Variants in SLC25A25 observed in about 807,000 individuals in gnomAD.
The protein encoded by SLC25A25 is solute carrier family 25 member 25.
In SLC25A25, 32 loss-of-function variants were observed where a neutral mutation model predicts 57.7. The ratio of observed to expected loss-of-function variants is 0.55; its 90% CI spans 0.42 to 0.74. The LOEUF is 0.74. Among genes scored for constraint, SLC25A25 ranks in the 30% least tolerant of loss-of-function variants. The probability of loss-of-function intolerance (pLI) is 0.00; values close to 1 mark genes in which losing one functional copy is unlikely to be tolerated. For missense variants in SLC25A25, 556 were observed against 701.3 expected (o/e 0.79, Z 2.34); for synonymous variants, 306 against 291.2 (o/e 1.05, Z -0.52).
chr9:128,105,234 G>A (rs1331371912), intron 6 of SLC25A25, among the ~76,000 whole-genome samples: 4 of 134,744 alleles, frequency 3.0e-5, no homozygotes, highest in South Asian at 2.4e-4. Context: ...ACAGGGGCGC[G>A]ATCTTGGCTC....
rs2130819927 is a variant in SLC25A25, at chr9:128,102,368, A to T, written c.513-2A>T. 1 of 1,612,768 alleles carries T rather than the reference A, an allele frequency of 6.2e-7. No homozygotes were observed. The highest frequency in any genetic ancestry group is 8.5e-7 in the Non-Finnish European group (1 of 1,178,856). On this transcript the variant is annotated splice_acceptor_variant, in intron 4 of 10. Transcript: ENST00000373069. LOFTEE classifies it high-confidence loss of function. The surrounding 1 kb of genome is among the most constrained non-coding windows in gnomAD (Gnocchi z 4.1). ...GTGGGCAGCCTCGCCTCTGTCTTGC[A>T]GCATGGATAAAAACGGCACGATGAC...
intron 1 of SLC25A25, among the ~76,000 whole-genome samples, chr9:128,075,532 TAAA>T (rs991163364): frequency 4.0e-5 from 6 of 151,160 alleles, no homozygotes; most frequent in Non-Finnish European, 8.9e-5. Context: ...TTTTATAAAA[TAAA>T]AAAAAGAAAA....
chr9:128,083,569 G>A (rs868403458), intron 1 of SLC25A25, among the ~76,000 whole-genome samples: 1 of 137,284 alleles, frequency 7.3e-6, no homozygotes, highest in Non-Finnish European at 1.5e-5. Context: ...GAGTGCAGTG[G>A]CGCGATCTCC....
chr9:128,076,281 C>T (rs192100170), intron 1 of SLC25A25, among the ~76,000 whole-genome samples: 1 of 152,194 alleles, frequency 6.6e-6, no homozygotes, highest in Admixed American at 6.5e-5. Context: ...CAGGTGTGCA[C>T]CACCATGCCC....
At position 128,107,154 on chromosome 9, in the gene SLC25A25, A is replaced by G. The variant is rs1588798169; in HGVS notation, c.1338A>G (p.Leu446=). 1.9e-6 allele frequency: 3 copies of G among 1,613,900 alleles called. No individual in the cohort carries two copies. Among genetic ancestry groups the G allele is most frequent in the South Asian group, 1.1e-5 (1 of 91,084 alleles). The change falls in exon 10 of 11, where the codon CTA becomes CTG. Residue 446 remains leucine (L), a synonymous_variant. Coordinates refer to ENST00000373069, the MANE Select transcript of SLC25A25 (RefSeq NM_001330988.2). ...AGCTGGCCAGCTACCCCCTGGCCCT[A>G]GTCAGGACCCGGATGCAGGCGCAAG... ...CGQLASYPLA[L]VRTRMQAQAS...
At chr9:128,079,574 C>CA (rs1833095833) in intron 1 of SLC25A25, among the ~76,000 whole-genome samples, 1 of 131,650 alleles carries the variant, frequency 7.6e-6, no homozygotes, top group Admixed American at 8.5e-5. Context: ...GCCTGGCCAA[C>CA]TGGCAAAACC....
In SLC25A25 at chr9:128,091,889, C is replaced by T. The variant is rs780203863; in HGVS notation, c.262-9207C>T. ...GACCGTGATGTTGCAGATGCTGTGG[C>T]ATTTCCTAGCTAGCTTTTTCCCCAG... On this transcript the variant is annotated intron_variant, in intron 1 of 10. Transcript: ENST00000373069. 10 of 1,610,990 alleles carry T rather than the reference C, an allele frequency of 6.2e-6. No individual in the cohort carries two copies. The South Asian group carries it at 8.8e-5, about 14-fold the overall frequency.
intron 1 of SLC25A25, among the ~76,000 whole-genome samples, chr9:128,071,612 A>G (rs1832909998): frequency 6.9e-6 from 1 of 144,782 alleles, no homozygotes; most frequent in Non-Finnish European, 1.5e-5. Flanking sequence ...GGGTTTCACC[A>G]TGTTGGCCAG....
Position 128,107,530 on chromosome 9 carries a change from A to G in SLC25A25, c.*86A>G. ...GCCATCTCATTCTGTGAATGTGCCA[A>G]CACTAAGCTGTCTCGAGCCAAGCTG... On this transcript the variant is annotated 3_prime_UTR_variant, in exon 11 of 11. Transcript: ENST00000373069. 7.0e-7 allele frequency: 1 copy of G among 1,437,894 alleles called. No homozygotes were observed. The highest frequency in any genetic ancestry group is 9.3e-7 in the Non-Finnish European group (1 of 1,081,072). 89.1% of individuals were successfully genotyped at this position (1,437,894 alleles called of 1,614,324 possible).
Position 128,103,922 on chromosome 9 carries a change from G to A in SLC25A25, c.783+83G>A. On this transcript the variant is annotated intron_variant, in intron 6 of 10. Coordinates refer to ENST00000373069, the MANE Select transcript of SLC25A25 (RefSeq NM_001330988.2). This position sits in a 1 kb window ranked among gnomAD's most constrained non-coding sequence, Gnocchi z 6.7. ...GCTTGGCTAGTTTTCCCTTTCTCTG[G>A]CTGGTGCCTGCTTTGGGCCCAAACT... The A allele has an allele frequency of 1.4e-6, 2 of 1,402,480 alleles. No homozygotes were observed. The highest frequency in any genetic ancestry group is 1.9e-6 in the Non-Finnish European group (2 of 1,062,664). 86.9% of individuals were successfully genotyped at this position (1,402,480 alleles called of 1,614,324 possible). A position where few individuals can be genotyped will look rare whatever the true frequency, so the allele number is the denominator to read the frequency against.
chr9:128,085,944 G>T lies in SLC25A25; in HGVS notation c.262-15152G>T, dbSNP rs1031871567. 2.0e-5 allele frequency among the ~76,000 whole-genome samples: 3 copies of T among 151,592 alleles called. No individual in the cohort carries two copies. The South Asian group carries it at 6.2e-4, about 32-fold the overall frequency. On this transcript the variant is annotated intron_variant, in intron 1 of 10. Coordinates refer to ENST00000373069, the MANE Select transcript of SLC25A25 (RefSeq NM_001330988.2). ...TGGTCTTGAACTCCTGGCCTCAAGC[G>T]ATCCTCCCACCTCAGCCTCCCTAGT... is the stretch of plus-strand genomic sequence containing the variant.
Position 128,100,726 on chromosome 9 carries a change from C to G in SLC25A25, c.262-370C>G, listed in dbSNP as rs142668701. On this transcript the variant is annotated intron_variant, in intron 1 of 10. Coordinates refer to ENST00000373069, the MANE Select transcript of SLC25A25 (RefSeq NM_001330988.2). Reference sequence around the variant, plus strand: ...TGGGTCCAGGGACCCAGGGACGGCGCTGCAGCGAAGCCACCCTGCTCACCC... The same window carrying G: ...TGGGTCCAGGGACCCAGGGACGGCGGTGCAGCGAAGCCACCCTGCTCACCC... 1,623 of 225,968 alleles carry G rather than the reference C, an allele frequency of 7.2e-3. 30 individuals carry two copies. Among genetic ancestry groups the G allele is most frequent in the African/African-American group, 0.036 (1,546 of 43,272 alleles). 14.0% of individuals were successfully genotyped at this position (225,968 alleles called of 1,614,324 possible). A position where few individuals can be genotyped will look rare whatever the true frequency, so the allele number is the denominator to read the frequency against.
chr9:128,096,286 A>T lies in SLC25A25; in HGVS notation c.262-4810A>T, dbSNP rs374099214. 4.6e-5 allele frequency among the ~76,000 whole-genome samples: 7 copies of T among 152,342 alleles called. No homozygotes were observed. The South Asian group carries it at 1.4e-3, about 32-fold the overall frequency. ...CACTTTGGGAGGCCAAGGCAGGCAG[A>T]TCACTTGAGGCCAGGAGTTGGAGAC... On this transcript the variant is annotated intron_variant, in intron 1 of 10. Transcript: ENST00000373069.
chr9:128,107,079 C>T lies in SLC25A25; in HGVS notation c.1263C>T (p.Pro421=), dbSNP rs754630387. The part of the protein sequence containing the change: ...LQHYAVNSAD[P]GVFVLLACGT... ...ACTATGCAGTGAACAGCGCGGACCC[C>T]GGCGTGTTTGTGCTCCTGGCCTGTG... is the stretch of plus-strand genomic sequence containing the variant. The change falls in exon 10 of 11, where the codon CCC becomes CCT. Residue 421 remains proline, a synonymous_variant. Coordinates refer to ENST00000373069, the MANE Select transcript of SLC25A25 (RefSeq NM_001330988.2). The T allele has an allele frequency of 1.2e-5, 20 of 1,614,010 alleles. No individual in the cohort carries two copies. In the South Asian group the frequency reaches 1.4e-4, roughly 12 times the overall value.
At chr9:128,098,870 G>A (rs938927149) in intron 1 of SLC25A25, 1 of 1,486,474 alleles carries the variant, frequency 6.7e-7, no homozygotes, top group South Asian at 1.3e-5. Context: ...TGCGGCTATG[G>A]CCGGCACGTG....
At position 128,106,187 on chromosome 9, in the gene SLC25A25, G is replaced by T; in HGVS notation, c.974G>T (p.Arg325Met). Residue 325 changes from arginine (R) to methionine (M), a missense_variant, in exon 8 of 11, where the codon AGG becomes ATG. By Grantham distance (91) the Arg-to-Met change is moderately conservative. Transcript: ENST00000373069. ...RLVGSDQETL[R>M]IHERLVAGSL... is the part of the protein sequence containing the mutation. ...GTTGGTAGTGACCAGGAGACTCTGAGGATTCACGAGAGGCTTGTGGCAGGG... is the reference window on the plus strand; with the variant it reads ...GTTGGTAGTGACCAGGAGACTCTGATGATTCACGAGAGGCTTGTGGCAGGG... 1 of 1,614,244 alleles carries T rather than the reference G, an allele frequency of 6.2e-7. No homozygotes were observed.
chr9:128,102,325 G>A lies in SLC25A25; in HGVS notation c.513-45G>A, dbSNP rs78716764. The A allele has an allele frequency of 8.8e-4, 1,369 of 1,552,844 alleles. 8 individuals are homozygous for A. In the African/African-American group the frequency reaches 0.013, roughly 15 times the overall value. The stretch of plus-strand genomic sequence containing the variant: ...TGGGAGGTGGGGGGATGCAGCTGGC[G>A]GATGGGCATGTGGGCACGTGGGCAG... On this transcript the variant is annotated intron_variant, in intron 4 of 10. Coordinates refer to ENST00000373069, the MANE Select transcript of SLC25A25 (RefSeq NM_001330988.2). The surrounding 1 kb of genome is among the most constrained non-coding windows in gnomAD (Gnocchi z 4.1).
At position 128,069,918 on chromosome 9, in the gene SLC25A25, A is replaced by ATT. The variant is rs758820179; in HGVS notation, c.261+1356_261+1357dup. Among the ~76,000 whole-genome samples the ATT allele has an allele frequency of 9.0e-4, 93 of 103,040 alleles. 5 individuals carry two copies. Among genetic ancestry groups the ATT allele is most frequent in the East Asian group, 8.0e-3 (26 of 3,260 alleles). The allele number at this position is 103,040 out of a possible 152,430, so 67.6% of individuals were successfully genotyped here. ...AGGCATGTGCCACCACACCCAGCTAATTTTTTTTTTTTTTTTTTTGAGAGA... is the reference window on the plus strand; with the variant it reads ...AGGCATGTGCCACCACACCCAGCTAATTTTTTTTTTTTTTTTTTTTTGAGAGA... On this transcript the variant is annotated intron_variant, in intron 1 of 10. Transcript: ENST00000373069.
rs1833539159 is a variant in SLC25A25 at position 128,095,739 on chromosome 9, G to A, written c.262-5357G>A. On this transcript the variant is annotated intron_variant, in intron 1 of 10. Coordinates refer to ENST00000373069, the MANE Select transcript of SLC25A25 (RefSeq NM_001330988.2). This position sits in a 1 kb window ranked among gnomAD's most constrained non-coding sequence, Gnocchi z 4.4. The stretch of plus-strand genomic sequence containing the variant: ...GCAGGAGAATCGCTTGAACCCAGGA[G>A]GTGGAGGTTGTAGTGAGCCAAGATC... Among the ~76,000 whole-genome samples, 1 of 152,190 alleles carries A rather than the reference G, an allele frequency of 6.6e-6. No individual in the cohort carries two copies. The highest frequency in any genetic ancestry group is 2.1e-4 in the South Asian group (1 of 4,832).
Sources: gnomAD v4.1 joint callset for allele counts (sites outside exome capture counted in the v4.1 genomes callset) on GRCh38, gnomAD v4.1.1 for gene constraint, Gnocchi (gnomAD v3.1) non-coding constraint, MANE v1.5 for transcripts, NCBI Gene and HGNC (gene_info 2026-07-23, HGNC 2026-07-21) for gene names.